PTPRM: variants seen among roughly 807,000 people sequenced by gnomAD.
The protein encoded by PTPRM is receptor-type tyrosine-protein phosphatase mu.
Under a neutral mutation model 186.7 loss-of-function variants are expected in PTPRM, and 47 were observed. The ratio of observed to expected loss-of-function variants is 0.25; its 90% CI spans 0.20 to 0.32. The LOEUF (loss-of-function observed/expected upper bound fraction) is 0.32, where lower values mean the gene tolerates loss of function less well. PTPRM is among the 10% of genes least tolerant of loss of function. The pLI, the probability that PTPRM is intolerant of heterozygous loss-of-function variation, is 1.00. For missense variants in PTPRM, 1,494 were observed against 1,865.0 expected, an observed-to-expected ratio of 0.80 and a Z score of 3.66; for synonymous variants, 668 against 674.9, an observed-to-expected ratio of 0.99 and a Z score of 0.16.
chr18:7,941,077 C>A (rs1042076525), intron 5 of PTPRM, among the ~76,000 whole-genome samples: 6 of 152,182 alleles, frequency 3.9e-5, no homozygotes, highest in Non-Finnish European at 8.8e-5. Context: ...CATCCCATTC[C>A]TGTTTTACGT....
intron 23 of PTPRM, chr18:8,366,909 G>C (rs752129735): frequency 6.6e-6 from 1 of 152,366 alleles, no homozygotes; most frequent in Non-Finnish European, 1.5e-5. Flanking sequence ...TGCAGGTAGC[G>C]CTGGGCTGCA....
intron 2 of PTPRM, among the ~76,000 whole-genome samples, chr18:7,805,041 T>C (rs1299696734): frequency 6.6e-6 from 1 of 152,236 alleles, no homozygotes; most frequent in Non-Finnish European, 1.5e-5. Context: ...GTTATTTCCC[T>C]GATTGGCTTT....
chr18:7,697,431 T>C (rs1299181531), intron 1 of PTPRM, among the ~76,000 whole-genome samples: 1 of 152,174 alleles, frequency 6.6e-6, no homozygotes, highest in Non-Finnish European at 1.5e-5. Context: ...CAGATATTAA[T>C]TGAGGACCCA....
intron 2 of PTPRM, among the ~76,000 whole-genome samples, chr18:7,780,576 A>T (rs1434486091): frequency 6.6e-6 from 1 of 152,148 alleles, no homozygotes; most frequent in East Asian, 1.9e-4. Context: ...TAGTCCTATT[A>T]TCTGTAAAAT....
intron 7 of PTPRM, among the ~76,000 whole-genome samples, chr18:8,015,519 T>G (rs541190453): frequency 9.8e-5 from 15 of 152,322 alleles, no homozygotes; most frequent in Non-Finnish European, 1.9e-4. Context: ...CTTGGGGACT[T>G]GAGTCCCTGA....
intron 1 of PTPRM, among the ~76,000 whole-genome samples, chr18:7,721,221 A>G (rs1444627442): frequency 6.6e-6 from 1 of 151,364 alleles, no homozygotes; most frequent in Admixed American, 6.6e-5. Flanking sequence ...TTCCCTAATG[A>G]TTAATGATGT....
intron 9 of PTPRM, among the ~76,000 whole-genome samples, chr18:8,083,411 T>G (rs138435465): frequency 3.3e-5 from 5 of 152,244 alleles, no homozygotes; most frequent in Non-Finnish European, 7.4e-5. Flanking sequence ...CCTACTGTTC[T>G]TCCCCAAACT....
intron 2 of PTPRM, chr18:7,815,864 C>G (rs977812248): frequency 6.6e-6 from 1 of 152,170 alleles, no homozygotes; most frequent in African/African-American, 2.4e-5. Context: ...GGTTCTACTA[C>G]AAAATCAGTG....
intron 2 of PTPRM, among the ~76,000 whole-genome samples, chr18:7,776,369 G>A (rs1407218934): frequency 1.3e-5 from 2 of 152,128 alleles, no homozygotes; most frequent in East Asian, 3.9e-4. Context: ...GTGAGGAAAG[G>A]GAAGGACTGG....
At chr18:8,063,601 C>T (rs530332853) in intron 7 of PTPRM, among the ~76,000 whole-genome samples, 1 of 152,148 alleles carries the variant, frequency 6.6e-6, no homozygotes, top group East Asian at 1.9e-4. Context: ...AAATTTCTAC[C>T]CCTCTTTTTC....
At position 8,289,549 on chromosome 18, in the gene PTPRM, T is replaced by TATATATATAC. The variant is rs1568674857; in HGVS notation, c.2755-6818_2755-6817insTATATATACA. 2.2e-3 allele frequency among the ~76,000 whole-genome samples: 212 copies of TATATATATAC among 94,910 alleles called. 14 individuals carry two copies. The highest frequency in any genetic ancestry group is 0.013 in the African/African-American group (194 of 15,066). 62.3% of individuals were successfully genotyped at this position (94,910 alleles called of 152,430 possible). A position where few individuals can be genotyped will look rare whatever the true frequency, so the allele number is the denominator to read the frequency against. The stretch of plus-strand genomic sequence containing the variant: ...ACATATATATACACATATATATATA[T>TATATATATAC]ACATATATATACACATATATATATA... On this transcript the variant is annotated intron_variant, in intron 19 of 32. Transcript: ENST00000580170.
At chr18:8,106,472 C>T (rs563155205) in intron 11 of PTPRM, among the ~76,000 whole-genome samples, 10 of 152,226 alleles carry the variant, frequency 6.6e-5, no homozygotes, top group Admixed American at 2.0e-4. Context: ...GAGATTTTAA[C>T]GTAGAGATTG....
intron 7 of PTPRM, among the ~76,000 whole-genome samples, chr18:8,015,454 A>G (rs958144484): frequency 5.3e-5 from 8 of 152,230 alleles, no homozygotes; most frequent in African/African-American, 1.9e-4. Flanking sequence ...TCAATTTGAA[A>G]TATGAAACAT....
At chr18:8,165,393 G>T (rs1029839279) in intron 14 of PTPRM, among the ~76,000 whole-genome samples, 2 of 152,102 alleles carry the variant, frequency 1.3e-5, no homozygotes, top group African/African-American at 2.4e-5. Flanking sequence ...GATAGCAAGA[G>T]AATATTTATG....
intron 2 of PTPRM, among the ~76,000 whole-genome samples, chr18:7,786,562 G>A (rs2043105137): frequency 6.6e-6 from 1 of 152,174 alleles, no homozygotes. Flanking sequence ...TTGATCCAGT[G>A]CTTTTCAAAG....
Position 8,108,212 on chromosome 18 carries a change from T to C in PTPRM, c.1857-5274T>C, listed in dbSNP as rs529197712. Among the ~76,000 whole-genome samples the C allele has an allele frequency of 7.2e-5, 11 of 152,292 alleles. No homozygotes were observed. In the South Asian group the frequency reaches 2.3e-3, roughly 32 times the overall value. Reference sequence around the variant, plus strand: ...CTAATATCTATTCTTTTTATACATATATAATGGATGGTTTTTACCAAAAAT... The same window carrying C: ...CTAATATCTATTCTTTTTATACATACATAATGGATGGTTTTTACCAAAAAT... On this transcript the variant is annotated intron_variant, in intron 11 of 32. Coordinates refer to ENST00000580170, the MANE Select transcript of PTPRM (RefSeq NM_001105244.2).
intron 22 of PTPRM, among the ~76,000 whole-genome samples, chr18:8,337,184 T>C (rs1020448923): frequency 2.0e-5 from 3 of 152,170 alleles, no homozygotes; most frequent in African/African-American, 7.2e-5. Context: ...TCCAAGGGTA[T>C]GCATAGCTCA....
chr18:8,192,587 A>C (rs56359936), intron 14 of PTPRM, among the ~76,000 whole-genome samples: 2 of 152,210 alleles, frequency 1.3e-5, no homozygotes, highest in Non-Finnish European at 2.9e-5. Context: ...AAATATATGC[A>C]TCTATGGTAA....
chr18:8,285,566 C>T (rs1334998093), intron 19 of PTPRM, among the ~76,000 whole-genome samples: 5 of 152,220 alleles, frequency 3.3e-5, no homozygotes, highest in Non-Finnish European at 1.5e-5. Context: ...TTGAGGCAAG[C>T]GTTCTCTCTC....
Sources: gnomAD v4.1 joint callset for allele counts (sites outside exome capture counted in the v4.1 genomes callset) on GRCh38, gnomAD v4.1.1 for gene constraint, MANE v1.5 for transcripts, NCBI Gene and HGNC (gene_info 2026-07-23, HGNC 2026-07-21) for gene names.